Variants in HSD17B12 observed in about 807,000 individuals in gnomAD.
HSD17B12 encodes the protein hydroxysteroid 17-beta dehydrogenase 12.
Under a neutral mutation model 39.3 loss-of-function variants are expected in HSD17B12, and 32 were observed. The observed-to-expected ratio is 0.81, with a 90% CI of 0.61 to 1.09. HSD17B12 has a LOEUF of 1.09. HSD17B12 is among the 50% of genes least tolerant of loss of function. The pLI is 0.00. For missense variants in HSD17B12, 342 were observed against 382.9 expected, an observed-to-expected ratio of 0.89 and a Z score of 0.89; for synonymous variants, 150 against 146.7, an observed-to-expected ratio of 1.02 and a Z score of -0.16.
chr11:43,614,052 T>C, the HSD17B12 span, among the ~76,000 whole-genome samples: 2 of 152,202 alleles, frequency 1.3e-5, no homozygotes, highest in Admixed American at 6.5e-5. Flanking sequence ...CTTCTGCATA[T>C]ATTATGAGCC....
At chr11:43,687,043 C>T (rs953951600) in intron 1 of HSD17B12, among the ~76,000 whole-genome samples, 1 of 152,076 alleles carries the variant, frequency 6.6e-6, no homozygotes. Context: ...ATTTACATAA[C>T]AAAATTTATA....
chr11:43,639,291 A>T, the HSD17B12 span, among the ~76,000 whole-genome samples: 1 of 152,172 alleles, frequency 6.6e-6, no homozygotes, highest in Non-Finnish European at 1.5e-5. Context: ...CAGCCCGCCC[A>T]CCTTGCTGGG....
chr11:43,751,257 T>A (rs1325585448), intron 2 of HSD17B12, among the ~76,000 whole-genome samples: 2 of 152,200 alleles, frequency 1.3e-5, no homozygotes, highest in Non-Finnish European at 2.9e-5. Context: ...AGTCTTCAGA[T>A]TTGAAAGTCA....
At chr11:43,559,470 T>C in the HSD17B12 span, among the ~76,000 whole-genome samples, 75 of 152,314 alleles carry the variant, frequency 4.9e-4, no homozygotes, top group Non-Finnish European at 5.4e-4. Context: ...CATGCAGACA[T>C]GTATGTGCAG....
chr11:43,567,912 C>T, the HSD17B12 span, among the ~76,000 whole-genome samples: 1 of 152,114 alleles, frequency 6.6e-6, no homozygotes, highest in East Asian at 1.9e-4. Context: ...CCCTTAGTGA[C>T]CCTCATAATT....
chr11:43,736,056 A>G (rs1460916361), intron 1 of HSD17B12, among the ~76,000 whole-genome samples: 1 of 152,230 alleles, frequency 6.6e-6, no homozygotes, highest in Non-Finnish European at 1.5e-5. Context: ...ACTGAGGCAT[A>G]AAGATTGATA....
rs369408398 is a variant in HSD17B12, at chr11:43,741,365, A to G, written c.161-9546A>G. 2.4e-4 allele frequency among the ~76,000 whole-genome samples: 36 copies of G among 152,332 alleles called. No homozygotes were observed. The South Asian group carries it at 7.2e-3, about 31-fold the overall frequency. On this transcript the variant is annotated intron_variant, in intron 1 of 10. Transcript: ENST00000278353. Reference sequence around the variant, plus strand: ...AGTGACCTTGAGAAACACTGATTTAAACAAGACTACCCTGATTTTGGAAAA... The same window carrying G: ...AGTGACCTTGAGAAACACTGATTTAGACAAGACTACCCTGATTTTGGAAAA...
chr11:43,799,553 C>T (rs986648363), intron 4 of HSD17B12, among the ~76,000 whole-genome samples: 1 of 152,040 alleles, frequency 6.6e-6, no homozygotes, highest in Admixed American at 6.6e-5. Flanking sequence ...CTTTGAGAGT[C>T]GTTTCTAGAA....
rs1266173977 is a variant in HSD17B12, at chr11:43,854,740, C to T, written c.710C>T (p.Thr237Ile). The change falls in exon 10 of 11, where the codon ACA becomes ATA. Residue 237 changes from threonine (T) to isoleucine (I), a missense_variant. Transcript: ENST00000278353. ...VQSVLPYFVA[T>I]KLAKIRKPTL... is the part of the protein sequence containing the mutation. ...AGTGTCCTGCCATACTTCGTAGCTA[C>T]AAAACTGGCTAAAATCCGGAAGCCA... 5.0e-6 allele frequency: 8 copies of T among 1,613,960 alleles called. No homozygotes were observed. Among genetic ancestry groups the T allele is most frequent in the Non-Finnish European group, 6.8e-6 (8 of 1,180,046 alleles).
At chr11:43,642,556 T>G in the HSD17B12 span, among the ~76,000 whole-genome samples, 1 of 151,762 alleles carries the variant, frequency 6.6e-6, no homozygotes, top group Admixed American at 6.6e-5. Flanking sequence ...TCTGACTTGT[T>G]TTTGAGCCTT....
rs1274808618 is a variant in HSD17B12, at chr11:43,716,552, A to G, written c.161-34359A>G. Among the ~76,000 whole-genome samples the G allele has an allele frequency of 2.0e-5, 3 of 151,912 alleles. No homozygotes were observed. The South Asian group carries it at 6.2e-4, about 31-fold the overall frequency. On this transcript the variant is annotated intron_variant, in intron 1 of 10. Transcript: ENST00000278353. ...TAATCAAGGTTCTCATTCATTTCGC[A>G]AACCCTTATTGATCACTTACTATTG...
At chr11:43,742,025 C>T (rs1045855278) in intron 1 of HSD17B12, among the ~76,000 whole-genome samples, 12 of 149,378 alleles carry the variant, frequency 8.0e-5, no homozygotes, top group Non-Finnish European at 1.6e-4. Context: ...TGAGCCACCG[C>T]GCCCGGCAAC....
At chr11:43,651,146 A>G in the HSD17B12 span, among the ~76,000 whole-genome samples, 16 of 152,244 alleles carry the variant, frequency 1.1e-4, no homozygotes, top group Admixed American at 9.2e-4. Context: ...TCAAAAAGGT[A>G]TGTAAAACAC....
chr11:43,730,927 G>A (rs758353012), intron 1 of HSD17B12, among the ~76,000 whole-genome samples: 3 of 152,128 alleles, frequency 2.0e-5, no homozygotes, highest in Non-Finnish European at 4.4e-5. Flanking sequence ...TTAGTGAGGT[G>A]AGACAGAGTG....
chr11:43,635,157 A>C, the HSD17B12 span, among the ~76,000 whole-genome samples: 1 of 152,260 alleles, frequency 6.6e-6, no homozygotes, highest in African/African-American at 2.4e-5. Context: ...TACTTGTTAT[A>C]TTCTTCCTAC....
intron 3 of HSD17B12, among the ~76,000 whole-genome samples, chr11:43,777,541 G>T (rs1352370358): frequency 6.6e-6 from 1 of 152,168 alleles, no homozygotes; most frequent in Non-Finnish European, 1.5e-5. Context: ...ATACAATCAT[G>T]TTGTCTGCAA....
chr11:43,568,706 G>A, the HSD17B12 span, among the ~76,000 whole-genome samples: 2 of 152,220 alleles, frequency 1.3e-5, no homozygotes, highest in South Asian at 4.1e-4. Flanking sequence ...GCAAATGGCA[G>A]AATCAAGACC....
chr11:43,602,703 G>C, the HSD17B12 span, among the ~76,000 whole-genome samples: 1 of 152,074 alleles, frequency 6.6e-6, no homozygotes, highest in African/African-American at 2.4e-5. Flanking sequence ...CTGGAAAAGA[G>C]GAATAGCTCT....
At chr11:43,847,438 C>T (rs1438907465) in intron 9 of HSD17B12, among the ~76,000 whole-genome samples, 1 of 152,172 alleles carries the variant, frequency 6.6e-6, no homozygotes, top group Non-Finnish European at 1.5e-5. Context: ...TGCACGGTGG[C>T]TCACGCCTAT....
Sources: allele counts gnomAD v4.1 joint callset (sites outside exome capture counted in the v4.1 genomes callset), GRCh38; gene constraint gnomAD v4.1.1; transcripts MANE v1.5; gene names NCBI Gene and HGNC (gene_info 2026-07-23, HGNC 2026-07-21).